SCUBE1: variants seen among roughly 807,000 people sequenced by gnomAD.
The protein encoded by SCUBE1 is signal peptide, CUB and EGF-like domain-containing protein 1.
In SCUBE1, 59 loss-of-function variants were observed where a neutral mutation model predicts 124.4. The ratio of observed to expected loss-of-function variants is 0.47; its 90% CI spans 0.38 to 0.59. The LOEUF (loss-of-function observed/expected upper bound fraction) is 0.59. Ranked by LOEUF, SCUBE1 falls within the 20% of genes least tolerant of loss-of-function variation. SCUBE1 has a pLI of 0.00. For missense variants in SCUBE1, 1,150 were observed against 1,371.2 expected (o/e 0.84, Z 2.55); for synonymous variants, 545 against 550.9 (o/e 0.99, Z 0.15).
chr22:43,214,979 C>T (rs1377255860), intron 15 of SCUBE1, among the ~76,000 whole-genome samples: 1 of 152,126 alleles, frequency 6.6e-6, no homozygotes, highest in Admixed American at 6.5e-5. Flanking sequence ...TTTAGAACCC[C>T]CCCACCCATA....
At chr22:43,214,509 C>G (rs902077138) in intron 15 of SCUBE1, among the ~76,000 whole-genome samples, 4 of 152,238 alleles carry the variant, frequency 2.6e-5, no homozygotes, top group African/African-American at 9.6e-5. Flanking sequence ...TCTCCACCCG[C>G]TTATAGAAGC....
chr22:43,204,306 T>G (rs1921130268), intron 21 of SCUBE1, among the ~76,000 whole-genome samples, 157 bp from the exon 22 acceptor site: 1 of 151,976 alleles, frequency 6.6e-6, no homozygotes, highest in East Asian at 1.9e-4. Flanking sequence ...TGGTTTTTAT[T>G]TGTTTATTTT....
chr22:43,297,290 C>T (rs60313488), intron 3 of SCUBE1, among the ~76,000 whole-genome samples: 3,089 of 152,348 alleles, frequency 0.02, 94 homozygotes, highest in African/African-American at 0.071. Context: ...CCAGCCTCTC[C>T]CTCCCAATCC....
At position 43,288,892 on chromosome 22, in the gene SCUBE1, G is replaced by A. The variant is rs146632399; in HGVS notation, c.484+2154C>T. Among the ~76,000 whole-genome samples, 33 of 152,362 alleles carry A rather than the reference G, an allele frequency of 2.2e-4. No homozygotes were observed. In the East Asian group the frequency reaches 4.8e-3, roughly 22 times the overall value. On this transcript the variant is annotated intron_variant, in intron 4 of 21. Transcript: ENST00000360835. ...TGTGGCCCCAGCAGCCCCTGCTGTC[G>A]CTGCTCCCACGTCATCCCCTCCCCA...
rs13056939 is a variant in SCUBE1, at chr22:43,203,985, C to T, written c.*12G>A. On this transcript the variant is annotated 3_prime_UTR_variant, in exon 22 of 22. Coordinates refer to ENST00000360835, the MANE Select transcript of SCUBE1 (RefSeq NM_173050.5). ...GGACCAGGCCACCCCCAGGCAGGGC[C>T]GCTCCCCCCGGTTATTTGTAGGGCC... 234,109 of 1,613,344 alleles carry T rather than the reference C, an allele frequency of 0.15. 18,313 individuals are homozygous for T. Among genetic ancestry groups the T allele is most frequent in the South Asian group, 0.25 (22,338 of 91,048 alleles).
At chr22:43,285,478 G>C (rs1408313645) in intron 4 of SCUBE1, among the ~76,000 whole-genome samples, 1 of 152,140 alleles carries the variant, frequency 6.6e-6, no homozygotes, top group Non-Finnish European at 1.5e-5. Context: ...GCAGGGACAC[G>C]AGCACCATGA....
chr22:43,198,670 T>G lies in SCUBE1; in HGVS notation c.*5327A>C, dbSNP rs1920959864. The G allele has an allele frequency of 2.2e-6, 1 of 456,624 alleles. No individual in the cohort carries two copies. Among genetic ancestry groups the G allele is most frequent in the Non-Finnish European group, 4.4e-6 (1 of 226,984 alleles). 28.3% of individuals were successfully genotyped at this position (456,624 alleles called of 1,614,324 possible). A position where few individuals can be genotyped will look rare whatever the true frequency, so the allele number is the denominator to read the frequency against. ...AGGGACCTCAATGTCAGGTGCAGTT[T>G]GCCAGGGTGACCAGACTTCCTGAGC... On this transcript the variant is annotated 3_prime_UTR_variant, in exon 22 of 22. Coordinates refer to ENST00000360835, the MANE Select transcript of SCUBE1 (RefSeq NM_173050.5).
At chr22:43,232,358 T>C (rs1394664054) in intron 7 of SCUBE1, 1 of 160,538 alleles carries the variant, frequency 6.2e-6, no homozygotes, top group Non-Finnish European at 1.4e-5. Context: ...GCACCCATTT[T>C]GAAGGATATC....
intron 7 of SCUBE1, among the ~76,000 whole-genome samples, chr22:43,236,352 C>CAA: frequency 6.6e-6 from 1 of 152,238 alleles, no homozygotes; most frequent in African/African-American, 2.4e-5. Flanking sequence ...GAAATGTGGG[C>CAA]ATCTATGGAC....
At chr22:43,245,206 A>G (rs1237276950) in intron 6 of SCUBE1, among the ~76,000 whole-genome samples, 1 of 152,158 alleles carries the variant, frequency 6.6e-6, no homozygotes, top group East Asian at 1.9e-4. Flanking sequence ...CCTTATGGCC[A>G]GCGCTGTGCT....
intron 2 of SCUBE1, among the ~76,000 whole-genome samples, chr22:43,338,189 C>T (rs1927147684): frequency 6.6e-6 from 1 of 152,206 alleles, no homozygotes; most frequent in Non-Finnish European, 1.5e-5. Context: ...TCCAAAGGTT[C>T]CAATGGGCTT....
chr22:43,292,899 A>G (rs2146753878), intron 3 of SCUBE1, among the ~76,000 whole-genome samples: 1 of 152,380 alleles, frequency 6.6e-6, no homozygotes, highest in Middle Eastern at 3.4e-3. Context: ...AAAAGCCGCC[A>G]GTGGTTACAG....
intron 3 of SCUBE1, among the ~76,000 whole-genome samples, chr22:43,319,556 C>T (rs1159639939): frequency 4.5e-5 from 2 of 44,070 alleles, no homozygotes; most frequent in African/African-American, 2.4e-4. Context: ...AAGACTCCAT[C>T]TCAAAAAAAA....
chr22:43,209,892 T>C (rs1396704994), intron 19 of SCUBE1, 151 bp downstream of exon 19: 4 of 764,192 alleles, frequency 5.2e-6, no homozygotes, highest in Non-Finnish European at 8.0e-6. Flanking sequence ...CAACCCTGCC[T>C]CCCAGGTGGA....
At chr22:43,293,415 T>C (rs1925443668) in intron 3 of SCUBE1, among the ~76,000 whole-genome samples, 1 of 152,210 alleles carries the variant, frequency 6.6e-6, no homozygotes, top group African/African-American at 2.4e-5. Flanking sequence ...GCGGTCTGGC[T>C]GCAGAACACG....
chr22:43,333,587 C>T (rs1926969469), intron 2 of SCUBE1, among the ~76,000 whole-genome samples: 2 of 152,152 alleles, frequency 1.3e-5, no homozygotes, highest in Non-Finnish European at 2.9e-5. Context: ...CATCGGGCTT[C>T]CCACAATCCA....
rs1024429324 is a variant in SCUBE1 at position 43,211,682 on chromosome 22, A to C, written c.2222-599T>G. Among the ~76,000 whole-genome samples, 1 of 151,718 alleles carries C rather than the reference A, an allele frequency of 6.6e-6. No individual in the cohort carries two copies. Among genetic ancestry groups the C allele is most frequent in the Non-Finnish European group, 1.5e-5 (1 of 67,926 alleles). On this transcript the variant is annotated intron_variant, in intron 17 of 21. Transcript: ENST00000360835. This position sits in a 1 kb window ranked among gnomAD's most constrained non-coding sequence, Gnocchi z 4.5. ...CAGGTGCACATCACCACACCCGGCTAATTATTTTTGTATTTTTTTTAAGTA... is the reference window on the plus strand; with the variant it reads ...CAGGTGCACATCACCACACCCGGCTCATTATTTTTGTATTTTTTTTAAGTA...
intron 6 of SCUBE1, among the ~76,000 whole-genome samples, chr22:43,246,736 G>C (rs1923227977): frequency 6.6e-6 from 1 of 152,248 alleles, no homozygotes; most frequent in African/African-American, 2.4e-5. Context: ...TTCGTGGGCT[G>C]CCCCGGAGAT....
At chr22:43,259,563 G>A (rs1367982543) in intron 5 of SCUBE1, among the ~76,000 whole-genome samples, 16 of 152,182 alleles carry the variant, frequency 1.1e-4, no homozygotes, top group Admixed American at 2.6e-4. Flanking sequence ...TGACTTCTCC[G>A]CACTCTTCCT....
Sources: gnomAD v4.1 joint callset for allele counts (sites outside exome capture counted in the v4.1 genomes callset) on GRCh38, gnomAD v4.1.1 for gene constraint, Gnocchi (gnomAD v3.1) non-coding constraint, MANE v1.5 for transcripts, NCBI Gene and HGNC (gene_info 2026-07-23, HGNC 2026-07-21) for gene names.